The following MYO1H variants were observed in gnomAD, a reference collection of about 807,000 sequenced individuals.
MYO1H encodes the protein myosin IH.
Under a neutral mutation model 149.3 loss-of-function variants are expected in MYO1H, and 118 were observed. The observed-to-expected ratio is 0.79, with a 90% CI of 0.68 to 0.92. The LOEUF is 0.92. MYO1H is among the 40% of genes least tolerant of loss of function. MYO1H has a pLI of 0.00. For synonymous variants in MYO1H, 447 were observed against 465.2 expected (o/e 0.96, Z 0.50); for missense variants, 1,212 against 1,280.7 (o/e 0.95, Z 0.82).
intron 1 of MYO1H, among the ~76,000 whole-genome samples, chr12:109,352,936 T>A (rs4486687): frequency 0.44 from 66,622 of 151,374 alleles, 15,263 homozygotes; most frequent in African/African-American, 0.56. Flanking sequence ...AAATCCCTAT[T>A]GAGACACAGC....
intron 20 of MYO1H, among the ~76,000 whole-genome samples, chr12:109,433,460 G>A (rs990265360): frequency 2.6e-5 from 4 of 152,168 alleles, no homozygotes; most frequent in African/African-American, 7.2e-5. Context: ...AGAGACTTTC[G>A]TACACATTGA....
upstream of MYO1H, among the ~76,000 whole-genome samples, chr12:109,346,572 T>C (rs554036791): frequency 6.0e-4 from 92 of 152,078 alleles, 2 homozygotes; most frequent in Admixed American, 4.5e-3. Flanking sequence ...ACCAGCCTGG[T>C]CAACATGGTG....
At chr12:109,324,457 G>GA in the MYO1H span, among the ~76,000 whole-genome samples, 1 of 152,168 alleles carries the variant, frequency 6.6e-6, no homozygotes, top group African/African-American at 2.4e-5. Flanking sequence ...AATGTCTTTG[G>GA]AAAATCTAAT....
chr12:109,392,929 C>G (rs1220217530), intron 2 of MYO1H, among the ~76,000 whole-genome samples: 1 of 151,760 alleles, frequency 6.6e-6, no homozygotes, highest in Non-Finnish European at 1.5e-5. Context: ...CCTGCCTCCG[C>G]CTCCCGAGTA....
chr12:109,315,041 G>A, the MYO1H span, among the ~76,000 whole-genome samples: 3 of 152,192 alleles, frequency 2.0e-5, no homozygotes, highest in African/African-American at 7.2e-5. Context: ...GGCAGAGGCT[G>A]CAGTGAGCCA....
rs112799916 is a variant in MYO1H at position 109,431,426 on chromosome 12, C to T, written c.1950-1471C>T. ...ATAAATATAATAAGAAAGGAAGGAG[C>T]ATATTGGGAACACCACTGCTAGCAC... On this transcript the variant is annotated intron_variant, in intron 19 of 31. Transcript: ENST00000310903. 6.6e-5 allele frequency among the ~76,000 whole-genome samples: 10 copies of T among 152,118 alleles called. 1 individual carries two copies. The highest frequency in any genetic ancestry group is 2.4e-4 in the African/African-American group (10 of 41,500).
intron 20 of MYO1H, among the ~76,000 whole-genome samples, chr12:109,434,404 G>A (rs561323964): frequency 6.6e-6 from 1 of 152,102 alleles, no homozygotes; most frequent in African/African-American, 2.4e-5. Context: ...TGAGGCACGA[G>A]AATCATTTGA....
At chr12:109,324,802 A>G in the MYO1H span, among the ~76,000 whole-genome samples, 1 of 151,884 alleles carries the variant, frequency 6.6e-6, no homozygotes, top group Non-Finnish European at 1.5e-5. Flanking sequence ...TTGCTGCACC[A>G]TCCAACCCAT....
the MYO1H span, among the ~76,000 whole-genome samples, chr12:109,333,726 A>G: frequency 1.3e-5 from 2 of 152,182 alleles, no homozygotes; most frequent in Non-Finnish European, 2.9e-5. Context: ...ATGCTCGTCA[A>G]TTTATGATGC....
intron 25 of MYO1H, 42 bp from the exon 26 acceptor site, chr12:109,441,573 C>T (rs747977567): frequency 4.3e-6 from 6 of 1,406,338 alleles, no homozygotes; most frequent in Non-Finnish European, 4.0e-6. Flanking sequence ...CCCAAAGAAG[C>T]CTGTGGCTAC....
chr12:109,372,326 C>T lies in MYO1H; in HGVS notation c.13-16357C>T, dbSNP rs533661326. Among the ~76,000 whole-genome samples, 3 of 152,100 alleles carry T rather than the reference C, an allele frequency of 2.0e-5. No individual in the cohort carries two copies. The South Asian group carries it at 6.3e-4, about 32-fold the overall frequency. On this transcript the variant is annotated intron_variant, in intron 1 of 31. Coordinates refer to ENST00000310903, the Ensembl canonical transcript of MYO1H. ...TGTAAAATATGACATAGATGTCCAG[C>T]CTTCCTTTTATAGAACTATCCAGTG...
At chr12:109,338,935 G>A in the MYO1H span, among the ~76,000 whole-genome samples, 3 of 152,096 alleles carry the variant, frequency 2.0e-5, no homozygotes, top group Admixed American at 1.3e-4. Flanking sequence ...AAGCAATAGG[G>A]TTCCTGTTAC....
exon 32 of MYO1H, chr12:109,447,793 C>T (rs1214563063): frequency 2.0e-5 from 3 of 153,302 alleles, no homozygotes; most frequent in Non-Finnish European, 4.4e-5. Context: ...GTGGGTCCCG[C>T]CTTCTGCCCT....
rs1872255666 is a variant in MYO1H at position 109,443,082 on chromosome 12, G to GTATGTGTGTATATGTGTACGTA, written c.2689-419_2689-418insGTGTACGTATATGTGTGTATAT. ...TACGTATGTGTGTATATATGTGTAC[G>GTATGTGTGTATATGTGTACGTA]TATGTGTGTATATATGTGTACGTAT... On this transcript the variant is annotated intron_variant, in intron 27 of 31. Transcript: ENST00000310903. 1.8e-4 allele frequency among the ~76,000 whole-genome samples: 9 copies of GTATGTGTGTATATGTGTACGTA among 49,666 alleles called. 1 individual carries two copies. Among genetic ancestry groups the GTATGTGTGTATATGTGTACGTA allele is most frequent in the South Asian group, 5.9e-4 (1 of 1,688 alleles). The allele number at this position is 49,666 out of a possible 152,430, so 32.6% of individuals were successfully genotyped here.
At chr12:109,439,599 C>A in intron 23 of MYO1H, 32 bp from the exon 24 acceptor site, 1 of 1,584,964 alleles carries the variant, frequency 6.3e-7, no homozygotes, top group South Asian at 1.2e-5. Context: ...AAGAAATGGT[C>A]CAGAAAAGTA....
chr12:109,360,916 C>G (rs926065678), intron 1 of MYO1H, among the ~76,000 whole-genome samples: 2 of 152,176 alleles, frequency 1.3e-5, no homozygotes, highest in Non-Finnish European at 2.9e-5. Flanking sequence ...GATAGAGTCT[C>G]CTTCCCAACC....
chr12:109,369,725 G>A lies in MYO1H; in HGVS notation c.13-18958G>A, dbSNP rs780029493. Among the ~76,000 whole-genome samples the A allele has an allele frequency of 1.5e-4, 23 of 152,284 alleles. 2 individuals carry two copies. The highest frequency in any genetic ancestry group is 6.8e-3 in the Middle Eastern group (2 of 294). The stretch of plus-strand genomic sequence containing the variant: ...CTTTGCCTATGCATTGGCCAGTATG[G>A]TCAGCAGCATAGGTCGTCATAACCC... On this transcript the variant is annotated intron_variant, in intron 1 of 31. Coordinates refer to ENST00000310903, the Ensembl canonical transcript of MYO1H.
intron 2 of MYO1H, 91 bp downstream of exon 2, chr12:109,388,935 T>C: frequency 1.4e-6 from 2 of 1,427,274 alleles, no homozygotes; most frequent in Non-Finnish European, 1.9e-6. Flanking sequence ...TAGCACTCTA[T>C]TAGGTTAGAC....
At chr12:109,443,476 G>T in intron 27 of MYO1H, 38 bp from the exon 28 acceptor site, 1 of 1,605,244 alleles carries the variant, frequency 6.2e-7, no homozygotes, top group Non-Finnish European at 8.5e-7. Context: ...TCGGTACTCT[G>T]CCCCACCTTC....
Sources: gnomAD v4.1 joint callset for allele counts (sites outside exome capture counted in the v4.1 genomes callset) on GRCh38, gnomAD v4.1.1 for gene constraint, MANE v1.5 for transcripts, NCBI Gene and HGNC (gene_info 2026-07-23, HGNC 2026-07-21) for gene names.